RSF1: variants seen among roughly 807,000 people sequenced by gnomAD.
RSF1 encodes the protein HBV pX-associated protein 8.
RSF1 carries 13 observed loss-of-function variants against 145.2 expected under a neutral mutation model. The observed-to-expected ratio is 0.09, with a 90% confidence interval of 0.06 to 0.14. The LOEUF (loss-of-function observed/expected upper bound fraction) is 0.14, where lower values mean the gene tolerates loss of function less well. RSF1 is among the 10% of genes least tolerant of loss of function. The probability of loss-of-function intolerance (pLI) is 1.00; values close to 1 mark genes in which losing one functional copy is unlikely to be tolerated. For synonymous variants in RSF1, 577 were observed against 592.6 expected, an observed-to-expected ratio of 0.97 and a Z score of 0.38; for missense variants, 1,517 against 1,718.2, an observed-to-expected ratio of 0.88 and a Z score of 2.07.
chr11:77,674,967 C>T, intron 14 of RSF1, 69 bp downstream of exon 14: 1 of 1,300,000 alleles, frequency 7.7e-7, no homozygotes. Context: ...CCATTGCACT[C>T]CAGCATGAGC....
At chr11:77,827,184 C>A in the RSF1 span, among the ~76,000 whole-genome samples, 1 of 152,028 alleles carries the variant, frequency 6.6e-6, no homozygotes, top group Non-Finnish European at 1.5e-5. Flanking sequence ...AGCTCAGATT[C>A]AGATGGCTTC....
intron 1 of RSF1, among the ~76,000 whole-genome samples, chr11:77,784,754 C>T (rs1359794918): frequency 1.3e-5 from 2 of 152,074 alleles, no homozygotes; most frequent in Non-Finnish European, 2.9e-5. Flanking sequence ...CATTGAATGC[C>T]CTGAGTGCTA....
At chr11:77,742,478 T>A (rs947641556) in intron 3 of RSF1, among the ~76,000 whole-genome samples, 2 of 152,180 alleles carry the variant, frequency 1.3e-5, no homozygotes, top group Admixed American at 6.5e-5. Flanking sequence ...CAGGGTTTCA[T>A]CATGTTGGTC....
chr11:77,716,037 C>A (rs1343757063), intron 5 of RSF1, among the ~76,000 whole-genome samples: 1 of 151,950 alleles, frequency 6.6e-6, no homozygotes, highest in Non-Finnish European at 1.5e-5. Flanking sequence ...TACTACTCAT[C>A]AGGAAAATGT....
chr11:77,767,417 T>A (rs1948237025), intron 1 of RSF1, among the ~76,000 whole-genome samples: 1 of 152,170 alleles, frequency 6.6e-6, no homozygotes, highest in Non-Finnish European at 1.5e-5. Flanking sequence ...TTGGTAAGTA[T>A]TTTTTATGGC....
At chr11:77,805,727 T>C (rs148156180) in intron 1 of RSF1, among the ~76,000 whole-genome samples, 339 of 152,340 alleles carry the variant, frequency 2.2e-3, no homozygotes, top group African/African-American at 7.3e-3. Context: ...TTTATTCAAG[T>C]AAGCTTTTAG....
At chr11:77,864,136 A>T in the RSF1 span, among the ~76,000 whole-genome samples, 2 of 152,092 alleles carry the variant, frequency 1.3e-5, no homozygotes, top group Admixed American at 1.3e-4. Context: ...CATGTTTGCC[A>T]GGCTGGTCTC....
At chr11:77,757,209 C>G (rs953740071) in intron 2 of RSF1, among the ~76,000 whole-genome samples, 11 of 152,134 alleles carry the variant, frequency 7.2e-5, no homozygotes, top group African/African-American at 2.7e-4. Flanking sequence ...GAGTTGAATA[C>G]AGTTCTTTAT....
At chr11:77,783,209 C>A (rs1320925547) in intron 1 of RSF1, among the ~76,000 whole-genome samples, 3 of 152,178 alleles carry the variant, frequency 2.0e-5, no homozygotes, top group African/African-American at 7.2e-5. Flanking sequence ...TTGTTCTCAT[C>A]CTTAGTACTA....
intron 4 of RSF1, among the ~76,000 whole-genome samples, chr11:77,732,793 T>C (rs1413325841): frequency 2.0e-5 from 3 of 152,356 alleles, no homozygotes; most frequent in Admixed American, 2.0e-4. Flanking sequence ...ATTAAACCTC[T>C]TTCTTTTGCA....
chr11:77,860,166 C>A, the RSF1 span, among the ~76,000 whole-genome samples: 1 of 152,204 alleles, frequency 6.6e-6, no homozygotes, highest in African/African-American at 2.4e-5. Context: ...CGTTGGCAAG[C>A]TTAACACTGG....
Position 77,701,332 on chromosome 11 carries a change from T to A in RSF1, c.1897A>T (p.Asn633Tyr). 1 of 1,614,060 alleles carries A rather than the reference T, an allele frequency of 6.2e-7. No individual in the cohort carries two copies. The highest frequency in any genetic ancestry group is 2.2e-5 in the East Asian group (1 of 44,882). Residue 633 changes from asparagine (N) to tyrosine (Y), a missense_variant, in exon 6 of 16, where the codon AAT becomes TAT. This residue lies in a region of RSF1 where 579 missense variants were observed against 553.5 expected (regional missense o/e 1.05). Coordinates refer to ENST00000308488, the MANE Select transcript of RSF1 (RefSeq NM_016578.4). ...PEAAETSPPS[N>Y]IIDHCEKLAS... is the part of the protein sequence containing the mutation. Reference sequence around the variant, plus strand: ...AGTTTCTCACAGTGGTCAATGATATTAGATGGTGGAGAAGTTTCAGCTGCC... The same window carrying A: ...AGTTTCTCACAGTGGTCAATGATATAAGATGGTGGAGAAGTTTCAGCTGCC...
rs368535551 is a variant in RSF1 at position 77,691,150 on chromosome 11, T to A, written c.2900+9A>T. 4 of 1,611,672 alleles carry A rather than the reference T, an allele frequency of 2.5e-6. No homozygotes were observed. Among genetic ancestry groups the A allele is most frequent in the African/African-American group, 2.7e-5 (2 of 74,868 alleles). On this transcript the variant is annotated intron_variant, in intron 9 of 15. Transcript: ENST00000308488. ...CCCAAACAAAACATTAACACACATA[T>A]AAAAATACCTTCGTTCGGCACGCTC...
intron 1 of RSF1, among the ~76,000 whole-genome samples, chr11:77,816,970 C>T (rs977234429): frequency 6.6e-6 from 1 of 152,196 alleles, no homozygotes; most frequent in Non-Finnish European, 1.5e-5. Context: ...TTGACTAACA[C>T]CAACAGTTAG....
In RSF1 at chr11:77,663,888, T is replaced by G. The variant is rs1959295011; in HGVS notation, c.*3029A>C. 6.6e-6 allele frequency: 1 copy of G among 152,180 alleles called. No individual in the cohort carries two copies. The highest frequency in any genetic ancestry group is 6.5e-5 in the Admixed American group (1 of 15,274). The allele number at this position is 152,180 out of a possible 1,614,324, so 9.4% of individuals were successfully genotyped here. On this transcript the variant is annotated 3_prime_UTR_variant, in exon 16 of 16. Transcript: ENST00000308488. ...AATACATTAGCTACAGTCTAGAGTT[T>G]GACACTGGGAGTCCAACTTGTATTT...
Position 77,701,246 on chromosome 11 carries a change from C to T in RSF1, c.1983G>A (p.Val661=), listed in dbSNP as rs1960414303. 1 of 1,613,986 alleles carries T rather than the reference C, an allele frequency of 6.2e-7. No homozygotes were observed. Among genetic ancestry groups the T allele is most frequent in the Admixed American group, 1.7e-5 (1 of 60,004 alleles). The change falls in exon 6 of 16, where the codon GTG becomes GTA. Residue 661 remains valine, a synonymous_variant. Coordinates refer to ENST00000308488, the MANE Select transcript of RSF1 (RefSeq NM_016578.4). ...TTAGGGTTTCTAGGTCTACTTTTTT[C>T]ACAGACTGGCCACCAACAGTACTTG... ...QSTSTVGGQS[V]KKVDLETLKE...
chr11:77,813,463 T>G, intron 1 of RSF1: 1 of 1,144,000 alleles, frequency 8.7e-7, no homozygotes, highest in African/African-American at 1.5e-5. Flanking sequence ...CTTAGAACCT[T>G]CACCACAAGG....
At chr11:77,735,166 G>GAGCACCGGGTTCCGTCCA in intron 4 of RSF1, 1 of 699,714 alleles carries the variant, frequency 1.4e-6, no homozygotes, top group East Asian at 2.7e-5. Flanking sequence ...GGTGGGGGAC[G>GAGCACCGGGTTCCGTCCA]AGCACCGGGT....
chr11:77,737,490 CAAA>C (rs1397522196), intron 4 of RSF1, among the ~76,000 whole-genome samples: 1 of 143,956 alleles, frequency 6.9e-6, no homozygotes, highest in South Asian at 2.1e-4. Context: ...ACAACAACAA[CAAA>C]AAAACGGAAA....
Sources: allele counts gnomAD v4.1 joint callset (sites outside exome capture counted in the v4.1 genomes callset), GRCh38; gene constraint gnomAD v4.1.1; regional missense constraint gnomAD v4.1.1; transcripts MANE v1.5; gene names NCBI Gene and HGNC (gene_info 2026-07-23, HGNC 2026-07-21).